TJP2: variants seen among roughly 807,000 people sequenced by gnomAD.
TJP2 encodes the protein tight junction protein 2, also known as Friedreich ataxia region gene X104 (tight junction protein ZO-2).
Under a neutral mutation model 133.1 loss-of-function variants are expected in TJP2, and 91 were observed. The observed-to-expected ratio is 0.68, with a 90% CI of 0.58 to 0.81. The LOEUF is 0.81. Ranked by LOEUF, TJP2 falls within the 40% of genes least tolerant of loss-of-function variation. The pLI is 0.00. For missense variants in TJP2, 1,541 were observed against 1,565.6 expected (o/e 0.98, Z 0.26); for synonymous variants, 592 against 583.4 (o/e 1.01, Z -0.21).
At chr9:69,252,303 T>G (rs1831396111) in intron 21 of TJP2, among the ~76,000 whole-genome samples, 1 of 152,146 alleles carries the variant, frequency 6.6e-6, no homozygotes, top group Non-Finnish European at 1.5e-5. Context: ...CCTCAACCAT[T>G]TTAAAACGTT....
At chr9:69,132,695 G>C (rs1441168155) in intron 1 of TJP2, among the ~76,000 whole-genome samples, 2 of 152,210 alleles carry the variant, frequency 1.3e-5, no homozygotes, top group Non-Finnish European at 2.9e-5. Context: ...ACGGTGAGCA[G>C]GGTAAATTCT....
At chr9:69,201,653 T>C (rs1000282932) in intron 1 of TJP2, among the ~76,000 whole-genome samples, 17 of 152,180 alleles carry the variant, frequency 1.1e-4, no homozygotes, top group African/African-American at 3.9e-4. Flanking sequence ...CATATTTACA[T>C]ACCCATGTTC....
At chr9:69,207,260 AGTT>A (rs1471815598) in intron 1 of TJP2, among the ~76,000 whole-genome samples, 2 of 152,220 alleles carry the variant, frequency 1.3e-5, no homozygotes, top group Non-Finnish European at 2.9e-5. Flanking sequence ...AGTATATTCA[AGTT>A]GTTGTAAAAC....
intron 12 of TJP2, 98 bp downstream of exon 12, chr9:69,234,645 TA>T: frequency 1.1e-6 from 1 of 910,712 alleles, no homozygotes; most frequent in Admixed American, 2.3e-5. Flanking sequence ...ATCTGGGTAT[TA>T]AAAAATTGAG....
At chr9:69,252,204 A>C (rs1297167579) in intron 21 of TJP2, among the ~76,000 whole-genome samples, 1 of 152,072 alleles carries the variant, frequency 6.6e-6, no homozygotes, top group Non-Finnish European at 1.5e-5. Context: ...TCATGTTGCT[A>C]GGCTGGTCTC....
rs574969074 is a variant in TJP2 at position 69,238,900 on chromosome 9, A to T, written c.2355+111A>T. ...TTTAATCATTAAATGTTAATAATAAAAAATTGGCCGGGCACAGTGGCTTAC... is the reference window on the plus strand; with the variant it reads ...TTTAATCATTAAATGTTAATAATAATAAATTGGCCGGGCACAGTGGCTTAC... On this transcript the variant is annotated intron_variant, in intron 16 of 22. Coordinates refer to ENST00000377245, the MANE Select transcript of TJP2 (RefSeq NM_004817.4). The T allele has an allele frequency of 5.2e-5, 53 of 1,028,130 alleles. No individual in the cohort carries two copies. In the Admixed American group the frequency reaches 7.6e-4, roughly 15 times the overall value. 63.7% of individuals were successfully genotyped at this position (1,028,130 alleles called of 1,614,324 possible).
intron 18 of TJP2, among the ~76,000 whole-genome samples, chr9:69,247,048 G>T (rs1265708574): frequency 1.3e-5 from 2 of 152,174 alleles, no homozygotes; most frequent in East Asian, 3.8e-4. Flanking sequence ...TATATTCCAA[G>T]TACACTAATC....
At chr9:69,189,853 A>G (rs1826095470) in intron 1 of TJP2, among the ~76,000 whole-genome samples, 1 of 110,512 alleles carries the variant, frequency 9.0e-6, no homozygotes, top group South Asian at 3.5e-4. Context: ...CATGCCTGTA[A>G]TCCCAGCACT....
intron 1 of TJP2, chr9:69,145,815 C>T (rs1823188667): frequency 8.1e-7 from 1 of 1,231,704 alleles, no homozygotes; most frequent in African/African-American, 1.6e-5. Flanking sequence ...TTGGCAACAA[C>T]CTGGGTAAGC....
intron 17 of TJP2, among the ~76,000 whole-genome samples, chr9:69,242,946 C>G (rs531576814): frequency 1.3e-5 from 2 of 152,302 alleles, no homozygotes; most frequent in South Asian, 4.1e-4. Flanking sequence ...TCACTGCAAC[C>G]TCTGCTTCCT....
Position 69,205,204 on chromosome 9 carries a change from G to C in TJP2, c.61-7344G>C, listed in dbSNP as rs73450853. 1.0e-3 allele frequency: 1,552 copies of C among 1,537,306 alleles called. 21 individuals carry two copies. The African/African-American group carries it at 0.019, about 19-fold the overall frequency. ...CCTACATAGGATGTGGATCCAGGCT[G>C]TTAAAAAGTTGAGGAGATGGAAAGG... On this transcript the variant is annotated intron_variant, in intron 1 of 22. Transcript: ENST00000377245.
At chr9:69,167,798 G>T (rs1455693209) in intron 2 of TJP2, among the ~76,000 whole-genome samples, 1 of 151,626 alleles carries the variant, frequency 6.6e-6, no homozygotes, top group East Asian at 1.9e-4. Flanking sequence ...GACCTGGGAG[G>T]CAGAGGTTAT....
intron 19 of TJP2, chr9:69,248,822 A>G: frequency 1.0e-6 from 1 of 994,672 alleles, no homozygotes; most frequent in South Asian, 4.5e-5. Context: ...CCAAGTTAGC[A>G]ATTATTAGTT....
In TJP2 at chr9:69,214,437, C is replaced by G. The variant is rs552397986; in HGVS notation, c.114+1836C>G. ...GAATTAGGATTATGTATTATCTATGCTCACCATTGTGCATTGCTAGACTGA... is the reference window on the plus strand; with the variant it reads ...GAATTAGGATTATGTATTATCTATGGTCACCATTGTGCATTGCTAGACTGA... On this transcript the variant is annotated intron_variant, in intron 2 of 22. Transcript: ENST00000377245. Among the ~76,000 whole-genome samples the G allele has an allele frequency of 7.9e-5, 12 of 152,282 alleles. No individual in the cohort carries two copies. In the East Asian group the frequency reaches 2.1e-3, roughly 27 times the overall value.
chr9:69,199,399 A>G (rs1269296453), intron 1 of TJP2, among the ~76,000 whole-genome samples: 1 of 151,992 alleles, frequency 6.6e-6, no homozygotes, highest in Non-Finnish European at 1.5e-5. Flanking sequence ...GTGTGGTGGC[A>G]TGTGCCTTTA....
intron 2 of TJP2, among the ~76,000 whole-genome samples, chr9:69,153,908 T>A (rs769752541): frequency 1.3e-5 from 2 of 151,962 alleles, no homozygotes; most frequent in Non-Finnish European, 2.9e-5. Context: ...TGAGCTTGAG[T>A]GATGTGGATT....
intron 1 of TJP2, among the ~76,000 whole-genome samples, chr9:69,209,969 C>A (rs1330610474): frequency 6.6e-6 from 1 of 151,958 alleles, no homozygotes; most frequent in African/African-American, 2.4e-5. Context: ...CAGAGAGCCA[C>A]GAATTTGATA....
intron 4 of TJP2, among the ~76,000 whole-genome samples, chr9:69,218,769 T>A (rs193178260): frequency 6.6e-6 from 1 of 152,236 alleles, no homozygotes; most frequent in African/African-American, 2.4e-5. Context: ...TAATCTTCAT[T>A]CATCTATTCC....
intron 2 of TJP2, among the ~76,000 whole-genome samples, chr9:69,166,630 A>G (rs1434787091): frequency 6.6e-6 from 1 of 151,550 alleles, no homozygotes. Context: ...ATGCGCCACC[A>G]TTCCTGGCTA....
Sources: gnomAD v4.1 joint callset for allele counts (sites outside exome capture counted in the v4.1 genomes callset) on GRCh38, gnomAD v4.1.1 for gene constraint, MANE v1.5 for transcripts, NCBI Gene and HGNC (gene_info 2026-07-23, HGNC 2026-07-21) for gene names.